LNP1: variants seen among roughly 807,000 people sequenced by gnomAD.
LNP1 encodes leukemia NUP98 fusion partner 1.
LNP1 carries 12 observed loss-of-function variants against 14.5 expected under a neutral mutation model. The observed-to-expected ratio is 0.83, with a 90% CI of 0.53 to 1.34. The LOEUF (loss-of-function observed/expected upper bound fraction) is 1.34. Ranked by LOEUF, LNP1 falls within the 40% of genes most tolerant of loss-of-function variation. LNP1 has a pLI of 0.00. For missense variants in LNP1, 198 were observed against 210.9 expected (o/e 0.94, Z 0.38); for synonymous variants, 75 against 71.4 (o/e 1.05, Z -0.26).
At chr3:100,415,557 G>A (rs981819200) in intron 1 of LNP1, among the ~76,000 whole-genome samples, 1 of 152,182 alleles carries the variant, frequency 6.6e-6, no homozygotes, top group African/African-American at 2.4e-5. Flanking sequence ...ACCATTATGA[G>A]TATTTTTTGT....
intron 2 of LNP1, among the ~76,000 whole-genome samples, chr3:100,435,274 G>A (rs765437681): frequency 7.9e-5 from 12 of 152,126 alleles, no homozygotes; most frequent in Admixed American, 1.3e-4. Flanking sequence ...GAAAGGCAGT[G>A]GAGAGGAGTG....
intron 2 of LNP1, among the ~76,000 whole-genome samples, chr3:100,441,299 CATG>C (rs1355022178): frequency 6.6e-6 from 1 of 152,138 alleles, no homozygotes; most frequent in African/African-American, 2.4e-5. Flanking sequence ...AATTTGGCAA[CATG>C]AAGACCAATA....
intron 2 of LNP1, among the ~76,000 whole-genome samples, chr3:100,442,089 C>A (rs1707349088): frequency 6.6e-6 from 1 of 152,094 alleles, no homozygotes; most frequent in Non-Finnish European, 1.5e-5. Flanking sequence ...ATTTCCTAAA[C>A]ATTTATGGCT....
intron 1 of LNP1, among the ~76,000 whole-genome samples, chr3:100,411,621 A>G (rs546616113): frequency 6.6e-6 from 1 of 152,138 alleles, no homozygotes; most frequent in Non-Finnish European, 1.5e-5. Context: ...ATCAAAGTTC[A>G]GGTCTGTTTG....
At chr3:100,408,846 C>T (rs1329310839) in intron 1 of LNP1, among the ~76,000 whole-genome samples, 2 of 152,182 alleles carry the variant, frequency 1.3e-5, no homozygotes, top group Non-Finnish European at 2.9e-5. Flanking sequence ...TAATGTAAAA[C>T]TGTTCTTCCT....
At chr3:100,433,808 A>G (rs1345194864) in intron 2 of LNP1, among the ~76,000 whole-genome samples, 1 of 152,130 alleles carries the variant, frequency 6.6e-6, no homozygotes, top group East Asian at 1.9e-4. Flanking sequence ...GCATTTCTGT[A>G]ATGATCAGTG....
chr3:100,424,967 G>A (rs970266783), intron 1 of LNP1, among the ~76,000 whole-genome samples: 2 of 152,200 alleles, frequency 1.3e-5, no homozygotes, highest in Non-Finnish European at 2.9e-5. Flanking sequence ...ATCTTAGGAA[G>A]CCAGGTGGCT....
intron 1 of LNP1, among the ~76,000 whole-genome samples, chr3:100,410,096 A>G (rs1350143115): frequency 6.6e-6 from 1 of 152,092 alleles, no homozygotes; most frequent in Non-Finnish European, 1.5e-5. Flanking sequence ...ACAGAAAAAT[A>G]CCTAAACAAA....
intron 1 of LNP1, among the ~76,000 whole-genome samples, chr3:100,405,297 T>C (rs146406366): frequency 1.3e-5 from 2 of 152,344 alleles, no homozygotes; most frequent in African/African-American, 2.4e-5. Flanking sequence ...ATCTTTCTTA[T>C]AGTTTTTTCA....
chr3:100,434,736 C>G (rs920565904), intron 2 of LNP1, among the ~76,000 whole-genome samples: 1 of 151,630 alleles, frequency 6.6e-6, no homozygotes, highest in Admixed American at 6.6e-5. Flanking sequence ...ACCATGTTAG[C>G]CTGGCTGGTC....
chr3:100,452,207 T>TC (rs1458655393), intron 3 of LNP1, among the ~76,000 whole-genome samples: 1 of 149,522 alleles, frequency 6.7e-6, no homozygotes, highest in Non-Finnish European at 1.5e-5. Context: ...TCTTTCTTTT[T>TC]TTTTTTTTTT....
chr3:100,448,551 T>C (rs954199695), intron 2 of LNP1, among the ~76,000 whole-genome samples: 1 of 152,208 alleles, frequency 6.6e-6, no homozygotes, highest in Non-Finnish European at 1.5e-5. Flanking sequence ...ATAAAATTAC[T>C]TGATTAATAA....
intron 1 of LNP1, among the ~76,000 whole-genome samples, chr3:100,412,864 G>A (rs1159862126): frequency 6.6e-6 from 1 of 152,198 alleles, no homozygotes; most frequent in African/African-American, 2.4e-5. Context: ...ATCTGTAAGA[G>A]GGTTGGGCAT....
intron 1 of LNP1, among the ~76,000 whole-genome samples, chr3:100,409,453 G>T (rs1012412120): frequency 6.6e-6 from 1 of 151,222 alleles, no homozygotes; most frequent in African/African-American, 2.4e-5. Flanking sequence ...GGCCAGCCTG[G>T]CCAAGACAGT....
In LNP1 at chr3:100,455,878, G is replaced by A. The variant is rs1132022; in HGVS notation, c.489G>A (p.Glu163=). 0.43 allele frequency: 686,866 copies of A among 1,612,840 alleles called. 149,538 individuals carry two copies. Among genetic ancestry groups the A allele is most frequent in the East Asian group, 0.72 (32,182 of 44,864 alleles). ...VEEERSSRKE[E]HGEAHMAPLF... ...AAGAAAGGAGCTCTAGGAAAGAAGA[G>A]CATGGAGAAGCACACATGGCTCCCC... is the stretch of plus-strand genomic sequence containing the variant. Residue 163 remains glutamate (E), a synonymous_variant, in exon 4 of 4, where the codon GAG becomes GAA. Transcript: ENST00000383693.
At chr3:100,427,989 A>G (rs1335455337) in intron 1 of LNP1, among the ~76,000 whole-genome samples, 1 of 152,248 alleles carries the variant, frequency 6.6e-6, no homozygotes, top group Non-Finnish European at 1.5e-5. Flanking sequence ...TTGCAGCTCA[A>G]GGAAGGATTT....
chr3:100,409,606 A>ATATAT (rs1429906485), intron 1 of LNP1, among the ~76,000 whole-genome samples: 327 of 124,410 alleles, frequency 2.6e-3, no homozygotes, highest in African/African-American at 0.01. Context: ...ATATATATAT[A>ATATAT]TTTTTTTTTT....
At chr3:100,451,282 TC>T (rs1339560695) in intron 2 of LNP1, among the ~76,000 whole-genome samples, 1 of 152,170 alleles carries the variant, frequency 6.6e-6, no homozygotes, top group Non-Finnish European at 1.5e-5. Context: ...ACATGAGACG[TC>T]AGTCAACATA....
At chr3:100,410,046 C>G (rs560987090) in intron 1 of LNP1, among the ~76,000 whole-genome samples, 8 of 151,932 alleles carry the variant, frequency 5.3e-5, no homozygotes, top group African/African-American at 1.9e-4. Context: ...CTGAAGAACC[C>G]TAATACAGAT....
Sources: gnomAD v4.1 joint callset for allele counts (sites outside exome capture counted in the v4.1 genomes callset) on GRCh38, gnomAD v4.1.1 for gene constraint, MANE v1.5 for transcripts, NCBI Gene and HGNC (gene_info 2026-07-23, HGNC 2026-07-21) for gene names.